Variants in ALDH1L1 observed in about 807,000 individuals in gnomAD.
The protein encoded by ALDH1L1 is cytosolic 10-formyltetrahydrofolate dehydrogenase.
ALDH1L1 carries 68 observed loss-of-function variants against 101.1 expected under a neutral mutation model. The ratio of observed to expected loss-of-function variants is 0.67; its 90% CI spans 0.55 to 0.82. ALDH1L1 has a LOEUF of 0.82. Ranked by LOEUF, ALDH1L1 falls within the 40% of genes least tolerant of loss-of-function variation. The pLI, the probability that ALDH1L1 is intolerant of heterozygous loss-of-function variation, is 0.00. For synonymous variants in ALDH1L1, 486 were observed against 470.8 expected, an observed-to-expected ratio of 1.03 and a Z score of -0.42; for missense variants, 1,087 against 1,172.7, an observed-to-expected ratio of 0.93 and a Z score of 1.07.
intron 1 of ALDH1L1, among the ~76,000 whole-genome samples, chr3:126,187,339 T>A (rs1340431888): frequency 7.4e-6 from 1 of 134,566 alleles, no homozygotes; most frequent in Non-Finnish European, 1.6e-5. Context: ...GAAGGGAGGG[T>A]GGGAGGATGG....
intron 4 of ALDH1L1, chr3:126,156,540 T>C (rs2108292235): frequency 6.6e-6 from 1 of 152,350 alleles, no homozygotes; most frequent in East Asian, 1.9e-4. Context: ...CCTGTGGCCG[T>C]CCCTGCCAGC....
At chr3:126,116,686 C>G (rs559037746) in intron 17 of ALDH1L1, among the ~76,000 whole-genome samples, 16 of 152,314 alleles carry the variant, frequency 1.1e-4, no homozygotes, top group African/African-American at 3.9e-4. Flanking sequence ...CAAAACCCAC[C>G]CCCAGAAGTT....
chr3:126,105,473 C>A, intron 22 of ALDH1L1: 1 of 514,556 alleles, frequency 1.9e-6, no homozygotes, highest in Non-Finnish European at 3.6e-6. Flanking sequence ...ACCAGAGAGG[C>A]CCCCAGTGCC....
In ALDH1L1 at chr3:126,155,725, T is replaced by C. The variant is rs568201381; in HGVS notation, c.529-222A>G. On this transcript the variant is annotated intron_variant, in intron 4 of 22. Coordinates refer to ENST00000393434, the MANE Select transcript of ALDH1L1 (RefSeq NM_012190.4). Reference sequence around the variant, plus strand: ...CCGTCCTCTCTACCTGGCAAAGGTTTAGATTACATAGATCTTACATCTTCT... The same window carrying C: ...CCGTCCTCTCTACCTGGCAAAGGTTCAGATTACATAGATCTTACATCTTCT... 5.6e-4 allele frequency: 267 copies of C among 476,460 alleles called. 2 individuals carry two copies. The highest frequency in any genetic ancestry group is 5.0e-3 in the African/African-American group (252 of 50,030). 29.5% of individuals were successfully genotyped at this position (476,460 alleles called of 1,614,324 possible).
At chr3:126,105,441 T>C (rs939568840) in intron 22 of ALDH1L1, 4 of 448,904 alleles carry the variant, frequency 8.9e-6, no homozygotes, top group Non-Finnish European at 8.3e-6. Context: ...TATGCAGGTC[T>C]GGGTAGCACA....
At position 126,137,870 on chromosome 3, in the gene ALDH1L1, C is replaced by T. The variant is rs1423584549; in HGVS notation, c.1167G>A (p.Gln389=). The T allele has an allele frequency of 1.2e-6, 2 of 1,614,230 alleles. No individual in the cohort carries two copies. Among genetic ancestry groups the T allele is most frequent in the Non-Finnish European group, 1.7e-6 (2 of 1,180,030 alleles). The change falls in exon 10 of 23, where the codon CAG becomes CAA. Residue 389 remains glutamine, a synonymous_variant. Transcript: ENST00000393434. ...YMASTFGDFI[Q]LLVRKLRGDD... is the part of the protein sequence containing the mutation. ...CCCCTCGCAGCTTCCTCACTAACAG[C>T]TGGATGAAGTCCCCAAAGGTGGATG...
At chr3:126,128,399 G>T (rs1175866383) in intron 14 of ALDH1L1, 3 of 152,200 alleles carry the variant, frequency 2.0e-5, no homozygotes, top group African/African-American at 7.2e-5. Flanking sequence ...GTGAGGACAG[G>T]ACTGTTTTAT....
At chr3:126,193,217 C>A (rs540135145) in intron 1 of ALDH1L1, among the ~76,000 whole-genome samples, 1 of 152,274 alleles carries the variant, frequency 6.6e-6, no homozygotes, top group African/African-American at 2.4e-5. Flanking sequence ...CCCTTTTGGT[C>A]ATTTTCTCAG....
chr3:126,128,164 C>A (rs113487456), intron 14 of ALDH1L1, among the ~76,000 whole-genome samples: 2,578 of 152,220 alleles, frequency 0.017, 64 homozygotes, highest in African/African-American at 0.059. Flanking sequence ...GGGAAGCCAC[C>A]CGAGGATTCC....
upstream of ALDH1L1, chr3:126,181,413 CCT>C (rs1282395910): frequency 7.1e-6 from 2 of 283,244 alleles, no homozygotes; most frequent in Non-Finnish European, 1.4e-5. Context: ...ACCACCTGGC[CCT>C]CTCTCTGCTC....
At chr3:126,181,063 G>A (rs1175282999), upstream of ALDH1L1, 7 of 1,514,614 alleles carry the variant, frequency 4.6e-6, no homozygotes, top group African/African-American at 4.1e-5. Flanking sequence ...GCATCCGGGT[G>A]GATAGCGGCG....
chr3:126,192,708 T>C (rs1248921766), intron 1 of ALDH1L1, among the ~76,000 whole-genome samples: 4 of 152,264 alleles, frequency 2.6e-5, no homozygotes, highest in Non-Finnish European at 4.4e-5. Context: ...ACATGGGTAC[T>C]ATTGTGTCTG....
intron 12 of ALDH1L1, among the ~76,000 whole-genome samples, chr3:126,132,186 G>A (rs2080324408): frequency 1.3e-5 from 2 of 152,240 alleles, no homozygotes. Flanking sequence ...TCATCCCCTA[G>A]GGGGAGGGTG....
intron 1 of ALDH1L1, among the ~76,000 whole-genome samples, chr3:126,191,494 G>A (rs767329263): frequency 3.3e-5 from 5 of 152,166 alleles, no homozygotes; most frequent in African/African-American, 4.8e-5. Context: ...TTGGGGCTGC[G>A]GTAAGGCCGG....
At chr3:126,117,950 T>C in intron 17 of ALDH1L1, 55 bp downstream of exon 17, 1 of 1,506,356 alleles carries the variant, frequency 6.6e-7, no homozygotes, top group South Asian at 1.2e-5. Context: ...AGCACTGCCA[T>C]GTCCCAGGCG....
At position 126,180,580 on chromosome 3, in the gene ALDH1L1, G is replaced by C; in HGVS notation, c.-128C>G. The stretch of plus-strand genomic sequence containing the variant: ...ACCCGTCCTGGGAGCCAGGAGGTGG[G>C]ACCTGTCCCCGCCAGTCCGCGAGCT... On this transcript the variant is annotated 5_prime_UTR_variant, in exon 1 of 23. Transcript: ENST00000393434. 2 of 1,156,420 alleles carry C rather than the reference G, an allele frequency of 1.7e-6. No individual in the cohort carries two copies. Among genetic ancestry groups the C allele is most frequent in the Non-Finnish European group, 2.1e-6 (2 of 930,496 alleles). The allele number at this position is 1,156,420 out of a possible 1,614,324, so 71.6% of individuals were successfully genotyped here.
In ALDH1L1 at chr3:126,150,779, C is replaced by T. The variant is rs374679025; in HGVS notation, c.859-248G>A. ...TTCACCACATTGGTCAGGCTGGTCT[C>T]GAACTCCTGACCTCATGATCCATCC... On this transcript the variant is annotated intron_variant, in intron 7 of 22. Coordinates refer to ENST00000393434, the MANE Select transcript of ALDH1L1 (RefSeq NM_012190.4). The T allele has an allele frequency of 2.6e-4, 94 of 359,398 alleles. No homozygotes were observed. The East Asian group carries it at 2.8e-3, about 11-fold the overall frequency. The allele number at this position is 359,398 out of a possible 1,614,324, so 22.3% of individuals were successfully genotyped here. A position where few individuals can be genotyped will look rare whatever the true frequency, so the allele number is the denominator to read the frequency against.
At chr3:126,111,978 C>T (rs1357402394) in intron 19 of ALDH1L1, among the ~76,000 whole-genome samples, 1 of 152,206 alleles carries the variant, frequency 6.6e-6, no homozygotes, top group Admixed American at 6.5e-5. Flanking sequence ...GGAGTCATGT[C>T]CCACTCTGGC....
intron 22 of ALDH1L1, chr3:126,104,326 C>A (rs1945785209): frequency 6.0e-6 from 1 of 165,602 alleles, no homozygotes; most frequent in Non-Finnish European, 1.3e-5. Context: ...AGGCCTGGGG[C>A]TGCCTGACAG....
Sources: allele counts gnomAD v4.1 joint callset (sites outside exome capture counted in the v4.1 genomes callset), GRCh38; gene constraint gnomAD v4.1.1; transcripts MANE v1.5; gene names NCBI Gene and HGNC (gene_info 2026-07-23, HGNC 2026-07-21).